Variants in CERS6 observed in about 807,000 individuals in gnomAD.
CERS6 encodes ceramide synthase 6.
Under a neutral mutation model 56.8 loss-of-function variants are expected in CERS6, and 26 were observed. That is an observed-to-expected ratio of 0.46 (90% confidence interval 0.34 to 0.63). The LOEUF is 0.63. CERS6 is among the 30% of genes least tolerant of loss of function. The probability of loss-of-function intolerance (pLI) is 0.01; values close to 1 mark genes in which losing one functional copy is unlikely to be tolerated. For synonymous variants in CERS6, 164 were observed against 173.3 expected, an observed-to-expected ratio of 0.95 and a Z score of 0.42; for missense variants, 415 against 467.5, an observed-to-expected ratio of 0.89 and a Z score of 1.04.
At chr2:168,543,061 C>T (rs1360705234) in intron 1 of CERS6, among the ~76,000 whole-genome samples, 3 of 152,208 alleles carry the variant, frequency 2.0e-5, no homozygotes, top group African/African-American at 7.2e-5. Flanking sequence ...GTACTTTGTG[C>T]AGAGATGTTT....
chr2:168,644,950 G>C (rs1214141362), intron 4 of CERS6, among the ~76,000 whole-genome samples: 2 of 150,300 alleles, frequency 1.3e-5, no homozygotes, highest in Admixed American at 1.3e-4. Flanking sequence ...AAATTAGGCA[G>C]GCATGGTGGT....
Position 168,599,191 on chromosome 2 carries a change from G to A in CERS6, c.408-31794G>A, listed in dbSNP as rs549517802. Among the ~76,000 whole-genome samples, 3 of 152,290 alleles carry A rather than the reference G, an allele frequency of 2.0e-5. No homozygotes were observed. In the East Asian group the frequency reaches 5.8e-4, roughly 29 times the overall value. On this transcript the variant is annotated intron_variant, in intron 3 of 9. Coordinates refer to ENST00000305747, the MANE Select transcript of CERS6 (RefSeq NM_203463.3). ...TTACCTTGCAGAGCATGGGAAAATA[G>A]GCTGCTTCTCTGGGTGGAGGAAAAT...
chr2:168,747,838 A>AACACACACAC (rs35177635), intron 8 of CERS6, among the ~76,000 whole-genome samples: 5 of 149,946 alleles, frequency 3.3e-5, no homozygotes, highest in African/African-American at 1.2e-4. Context: ...CTCACACATA[A>AACACACACAC]ACACACACAC....
chr2:168,558,639 G>A (rs918263134), intron 2 of CERS6, among the ~76,000 whole-genome samples: 1 of 152,206 alleles, frequency 6.6e-6, no homozygotes, highest in African/African-American at 2.4e-5. Flanking sequence ...GGAGGCCAAG[G>A]CGGGTGGATC....
At chr2:168,507,375 C>T (rs1057253935) in intron 1 of CERS6, among the ~76,000 whole-genome samples, 1 of 152,134 alleles carries the variant, frequency 6.6e-6, no homozygotes, top group Non-Finnish European at 1.5e-5. Context: ...CTTAGTCTTT[C>T]TCTGTCTTTT....
intron 1 of CERS6, among the ~76,000 whole-genome samples, chr2:168,480,809 A>G (rs1694164220): frequency 6.6e-6 from 1 of 152,214 alleles, no homozygotes; most frequent in Admixed American, 6.5e-5. Flanking sequence ...GTTATGTGAA[A>G]TAGAGTAGAC....
chr2:168,503,594 A>G (rs1242893102), intron 1 of CERS6, among the ~76,000 whole-genome samples: 1 of 152,164 alleles, frequency 6.6e-6, no homozygotes, highest in Non-Finnish European at 1.5e-5. Context: ...AACAGGTGGC[A>G]GTTCTTGAGC....
intron 3 of CERS6, among the ~76,000 whole-genome samples, chr2:168,618,488 ACTC>A (rs1222028425): frequency 1.3e-5 from 2 of 151,968 alleles, no homozygotes; most frequent in African/African-American, 4.8e-5. Context: ...AACCCTAAAG[ACTC>A]CTCCAAAAAG....
At chr2:168,648,809 T>C (rs1685268539) in intron 4 of CERS6, among the ~76,000 whole-genome samples, 2 of 152,170 alleles carry the variant, frequency 1.3e-5, no homozygotes, top group African/African-American at 4.8e-5. Flanking sequence ...TGAGCACTTT[T>C]CTTAGTGTTG....
At chr2:168,623,971 C>G (rs1559025093) in intron 3 of CERS6, among the ~76,000 whole-genome samples, 1 of 152,134 alleles carries the variant, frequency 6.6e-6, no homozygotes. Context: ...TAGATGGGCT[C>G]TTAGGGACCC....
chr2:168,562,391 A>G (rs1695807270), intron 3 of CERS6, among the ~76,000 whole-genome samples: 1 of 152,246 alleles, frequency 6.6e-6, no homozygotes, highest in East Asian at 1.9e-4. Context: ...AAGGACCTGC[A>G]CTGGCACCAG....
intron 1 of CERS6, among the ~76,000 whole-genome samples, chr2:168,547,347 G>A (rs987728624): frequency 2.6e-5 from 4 of 152,042 alleles, no homozygotes; most frequent in Admixed American, 6.6e-5. Context: ...TGTCTCATTA[G>A]AACTTGAGGA....
intron 6 of CERS6, among the ~76,000 whole-genome samples, chr2:168,711,564 T>C (rs1488865699): frequency 2.0e-5 from 3 of 151,904 alleles, no homozygotes; most frequent in Non-Finnish European, 4.4e-5. Flanking sequence ...TGAAACCCCG[T>C]CTCAACCGAA....
At chr2:168,715,374 A>G (rs1303657122) in intron 7 of CERS6, among the ~76,000 whole-genome samples, 1 of 152,190 alleles carries the variant, frequency 6.6e-6, no homozygotes, top group Non-Finnish European at 1.5e-5. Flanking sequence ...TCTATACTTA[A>G]GAAATGAATG....
intron 2 of CERS6, 68 bp from the exon 3 acceptor site, chr2:168,561,124 G>A: frequency 6.5e-7 from 1 of 1,538,860 alleles, no homozygotes; most frequent in Middle Eastern, 1.7e-4. Context: ...ATATAGACAA[G>A]GGCAGATCTG....
intron 1 of CERS6, among the ~76,000 whole-genome samples, chr2:168,475,172 T>A (rs1048634838): frequency 2.6e-5 from 4 of 152,150 alleles, no homozygotes; most frequent in Non-Finnish European, 4.4e-5. Flanking sequence ...TAGGATGGCA[T>A]GTATTAACAT....
At chr2:168,507,856 C>G (rs1226525188) in intron 1 of CERS6, among the ~76,000 whole-genome samples, 1 of 152,132 alleles carries the variant, frequency 6.6e-6, no homozygotes, top group Non-Finnish European at 1.5e-5. Flanking sequence ...TCCTCATTCT[C>G]TTTCTTCTCT....
rs368138259 is a variant in CERS6 at position 168,561,267 on chromosome 2, C to T, written c.352C>T (p.Arg118Ter). The T allele has an allele frequency of 2.5e-6, 4 of 1,613,964 alleles. No homozygotes were observed. The highest frequency in any genetic ancestry group is 2.2e-5 in the East Asian group (1 of 44,896). ...WDVRSIQRWF[R>*]QRRNQEKPST... The stretch of plus-strand genomic sequence containing the variant: ...TGTTCGAAGCATTCAGCGCTGGTTT[C>T]GACAAAGACGCAATCAGGAGAAGCC... Residue 118 changes from arginine to a stop codon, truncating the protein, a stop_gained, in exon 3 of 10, where the codon CGA becomes TGA. Transcript: ENST00000305747. LOFTEE classifies it high-confidence loss of function.
chr2:168,594,332 C>G (rs1465643076), intron 3 of CERS6, among the ~76,000 whole-genome samples: 1 of 152,152 alleles, frequency 6.6e-6, no homozygotes, highest in Non-Finnish European at 1.5e-5. Flanking sequence ...TGCCTGTAAT[C>G]CTAGCACTTT....
Sources: gnomAD v4.1 joint callset for allele counts (sites outside exome capture counted in the v4.1 genomes callset) on GRCh38, gnomAD v4.1.1 for gene constraint, MANE v1.5 for transcripts, NCBI Gene and HGNC (gene_info 2026-07-23, HGNC 2026-07-21) for gene names.